Variants in MANSC4 observed in about 807,000 individuals in gnomAD.
The protein encoded by MANSC4 is MANSC domain-containing protein 4.
A neutral mutation model predicts 11.4 loss-of-function variants in MANSC4; 11 were observed. The observed-to-expected ratio is 0.97, with a 90% CI of 0.61 to 1.60. MANSC4 has a LOEUF of 1.60. MANSC4 is among the 40% of genes most tolerant of loss of function. MANSC4 has a pLI of 0.00. For synonymous variants in MANSC4, 123 were observed against 147.1 expected (o/e 0.84, Z 1.19); for missense variants, 354 against 404.6 (o/e 0.88, Z 1.07).
chr12:27,766,806 G>A lies in MANSC4; in HGVS notation c.230-7C>T. 6.5e-7 allele frequency: 1 copy of A among 1,550,228 alleles called. No homozygotes were observed. The highest frequency in any genetic ancestry group is 2.4e-5 in the East Asian group (1 of 40,908). On this transcript the variant is annotated splice_region_variant and splice_polypyrimidine_tract_variant and intron_variant, in intron 2 of 3. Coordinates refer to ENST00000381273, the MANE Select transcript of MANSC4 (RefSeq NM_001146221.5). ...ACAGCCAGGTTACAGGAAACTGAAAGGGAAACAAGCGAAGTACATCTGCAG... is the reference window on the plus strand; with the variant it reads ...ACAGCCAGGTTACAGGAAACTGAAAAGGAAACAAGCGAAGTACATCTGCAG...
chr12:27,763,479 C>A, intron 3 of MANSC4, 83 bp from the exon 4 acceptor site: 1 of 1,306,238 alleles, frequency 7.7e-7, no homozygotes, highest in Non-Finnish European at 1.0e-6. Flanking sequence ...AAGGGGTTGG[C>A]TTTTGCCGCT....
In MANSC4 at chr12:27,771,383, A is replaced by G; in HGVS notation, c.-107T>C. ...AACGTCAGAGGTGTTGTTAAGGGAG[A>G]GCTTCCTTGCAGCTTTTCTGGAGAG... On this transcript the variant is annotated 5_prime_UTR_variant, in exon 2 of 4. Coordinates refer to ENST00000381273, the MANE Select transcript of MANSC4 (RefSeq NM_001146221.5). 1.1e-6 allele frequency: 1 copy of G among 950,446 alleles called. No individual in the cohort carries two copies. The highest frequency in any genetic ancestry group is 1.5e-6 in the Non-Finnish European group (1 of 646,196). The allele number at this position is 950,446 out of a possible 1,614,324, so 58.9% of individuals were successfully genotyped here. A position where few individuals can be genotyped will look rare whatever the true frequency, so the allele number is the denominator to read the frequency against.
intron 1 of MANSC4, among the ~76,000 whole-genome samples, chr12:27,779,320 A>C (rs1161215052): frequency 1.3e-5 from 2 of 152,224 alleles, no homozygotes; most frequent in Non-Finnish European, 2.9e-5. Context: ...AATGGACTGG[A>C]CTGAAGTAGA....
chr12:27,772,832 C>G (rs1330891740), intron 1 of MANSC4, among the ~76,000 whole-genome samples: 3 of 152,148 alleles, frequency 2.0e-5, no homozygotes, highest in Admixed American at 1.3e-4. Flanking sequence ...GGCTATTTCT[C>G]TTAGAAAATG....
Position 27,762,652 on chromosome 12 carries a change from A to ATTT in MANSC4, c.*83_*85dup, listed in dbSNP as rs35441719. ...AGGCATGAACCACCACGCCCAGCCT[A>ATTT]TTTTTTTTTTTTAACCAAACTGCGT... On this transcript the variant is annotated 3_prime_UTR_variant, in exon 4 of 4. Transcript: ENST00000381273. 101,021 of 1,079,096 alleles carry ATTT rather than the reference A, an allele frequency of 0.094. 1,056 individuals are homozygous for ATTT. The highest frequency in any genetic ancestry group is 0.15 in the East Asian group (4,972 of 33,592). 66.8% of individuals were successfully genotyped at this position (1,079,096 alleles called of 1,614,324 possible).
At chr12:27,767,357 C>G in intron 2 of MANSC4, among the ~76,000 whole-genome samples, 1 of 152,120 alleles carries the variant, frequency 6.6e-6, no homozygotes, top group East Asian at 1.9e-4. Flanking sequence ...TGGAATCATT[C>G]ATTATTTCCT....
At chr12:27,766,529 A>T in intron 3 of MANSC4, 136 bp downstream of exon 3, 1 of 998,016 alleles carries the variant, frequency 1.0e-6, no homozygotes, top group Non-Finnish European at 1.4e-6. Context: ...AGATATCCAA[A>T]ATTTTTCCCA....
chr12:27,772,952 C>T (rs952037087), intron 1 of MANSC4, among the ~76,000 whole-genome samples: 6 of 152,260 alleles, frequency 3.9e-5, no homozygotes, highest in Middle Eastern at 3.4e-3. Flanking sequence ...TTGAAGTTCT[C>T]GTATTCCTTT....
rs1427643729 is a variant in MANSC4, at chr12:27,762,631, A to T, written c.*107T>A. ...TTCCCAAAGTTTTGGGATTACAGGC[A>T]TGAACCACCACGCCCAGCCTATTTT... On this transcript the variant is annotated 3_prime_UTR_variant, in exon 4 of 4. Transcript: ENST00000381273. 35 of 1,151,794 alleles carry T rather than the reference A, an allele frequency of 3.0e-5. No homozygotes were observed. The highest frequency in any genetic ancestry group is 4.0e-5 in the Non-Finnish European group (34 of 844,662). The allele number at this position is 1,151,794 out of a possible 1,614,324, so 71.3% of individuals were successfully genotyped here. A position where few individuals can be genotyped will look rare whatever the true frequency, so the allele number is the denominator to read the frequency against.
intron 3 of MANSC4, among the ~76,000 whole-genome samples, chr12:27,766,212 T>C (rs9668691): frequency 0.17 from 25,924 of 151,962 alleles, 2,647 homozygotes; most frequent in Non-Finnish European, 0.24. Context: ...GGACTACAGG[T>C]GTGCGCCACC....
chr12:27,764,347 C>T lies in MANSC4; in HGVS notation c.365-951G>A, dbSNP rs184270161. ...TTGCTTCTGAGGTAGTCAATTGTTT[C>T]CTTACTTCCTGATCACTCACGTCAC... On this transcript the variant is annotated intron_variant, in intron 3 of 3. Transcript: ENST00000381273. 4.6e-5 allele frequency among the ~76,000 whole-genome samples: 7 copies of T among 152,248 alleles called. No homozygotes were observed. In the East Asian group the frequency reaches 1.4e-3, roughly 29 times the overall value.
At chr12:27,769,485 C>T (rs761688627) in intron 2 of MANSC4, among the ~76,000 whole-genome samples, 13 of 152,128 alleles carry the variant, frequency 8.5e-5, no homozygotes, top group Non-Finnish European at 1.8e-4. Context: ...ACAGTATCCC[C>T]GACAGTCCAA....
intron 1 of MANSC4, among the ~76,000 whole-genome samples, chr12:27,778,751 A>G (rs1035133306): frequency 9.9e-5 from 15 of 152,224 alleles, no homozygotes; most frequent in African/African-American, 2.9e-4. Flanking sequence ...TCCAAACAAT[A>G]TATTTCTCCC....
Position 27,762,886 on chromosome 12 carries a change from C to T in MANSC4, c.875G>A (p.Cys292Tyr). 1 of 1,552,144 alleles carries T rather than the reference C, an allele frequency of 6.4e-7. No homozygotes were observed. The highest frequency in any genetic ancestry group is 8.7e-7 in the Non-Finnish European group (1 of 1,147,120). ...SKTWLVSVAL[C>Y]TSVIFLGCCI... ...ACAGCCGAGAAAGATGACAGAGGTG[C>T]AAAGGGCCACAGAAACCAGCCAAGT... Residue 292 changes from cysteine to tyrosine, a missense_variant, in exon 4 of 4, where the codon TGC becomes TAC. Coordinates refer to ENST00000381273, the MANE Select transcript of MANSC4 (RefSeq NM_001146221.5).
At position 27,762,632 on chromosome 12, in the gene MANSC4, T is replaced by C; in HGVS notation, c.*106A>G. On this transcript the variant is annotated 3_prime_UTR_variant, in exon 4 of 4. Transcript: ENST00000381273. Reference sequence around the variant, plus strand: ...TCCCAAAGTTTTGGGATTACAGGCATGAACCACCACGCCCAGCCTATTTTT... The same window carrying C: ...TCCCAAAGTTTTGGGATTACAGGCACGAACCACCACGCCCAGCCTATTTTT... The C allele has an allele frequency of 8.6e-6, 10 of 1,167,652 alleles. No individual in the cohort carries two copies. In the South Asian group the frequency reaches 1.6e-4, roughly 18 times the overall value. The allele number at this position is 1,167,652 out of a possible 1,614,324, so 72.3% of individuals were successfully genotyped here.
chr12:27,764,884 C>T (rs530291334), intron 3 of MANSC4, among the ~76,000 whole-genome samples: 265 of 152,262 alleles, frequency 1.7e-3, no homozygotes, highest in African/African-American at 6.1e-3. Context: ...GTTACTCAGG[C>T]TGGAGTGTGA....
chr12:27,763,318 C>T lies in MANSC4; in HGVS notation c.443G>A (p.Arg148Lys), dbSNP rs1478193317. The change falls in exon 4 of 4, where the codon AGA becomes AAA. Residue 148 changes from arginine to lysine, a missense_variant. Arg to Lys is a conservative substitution (Grantham distance 26, BLOSUM62 2). Transcript: ENST00000381273. ...ATTCATAGCTTTTAGAATCCTTAGTCTGTCCCATCTATTGGATGAAGAACG... is the reference window on the plus strand; with the variant it reads ...ATTCATAGCTTTTAGAATCCTTAGTTTGTCCCATCTATTGGATGAAGAACG... ...NTRSSSNRWD[R>K]LRILKAMNLD... 6.4e-7 allele frequency: 1 copy of T among 1,551,656 alleles called. No homozygotes were observed. The highest frequency in any genetic ancestry group is 1.4e-5 in the African/African-American group (1 of 73,030).
chr12:27,766,770 T>C lies in MANSC4; in HGVS notation c.259A>G (p.Ser87Gly), dbSNP rs1328272921. Residue 87 changes from serine to glycine, a missense_variant, in exon 3 of 4, where the codon AGT becomes GGT. Transcript: ENST00000381273. ...CAGTTGATATTGTCATGAATAGGAC[T>C]GTGGTAGAAGACAGCCAGGTTACAG... ...VSCNLAVFYHSPIHDNINCLH... is the reference protein window; with the variant it reads ...VSCNLAVFYHGPIHDNINCLH... 5.2e-6 allele frequency: 8 copies of C among 1,551,590 alleles called. No individual in the cohort carries two copies. The highest frequency in any genetic ancestry group is 7.0e-6 in the Non-Finnish European group (8 of 1,147,000).
chr12:27,778,244 A>AT (rs141793983), intron 1 of MANSC4, among the ~76,000 whole-genome samples: 5,881 of 148,306 alleles, frequency 0.04, 377 homozygotes, highest in African/African-American at 0.14. Context: ...AAAAAAATGC[A>AT]TTTTTTTTTC....
Sources: gnomAD v4.1 joint callset for allele counts (sites outside exome capture counted in the v4.1 genomes callset) on GRCh38, gnomAD v4.1.1 for gene constraint, MANE v1.5 for transcripts, NCBI Gene and HGNC (gene_info 2026-07-23, HGNC 2026-07-21) for gene names.